Variants in RGS5 observed in about 807,000 individuals in gnomAD.
RGS5 encodes regulator of G protein signaling 5.
RGS5 carries 20 observed loss-of-function variants against 18.9 expected under a neutral mutation model. The observed-to-expected ratio is 1.06, with a 90% CI of 0.74 to 1.54. RGS5 has a LOEUF of 1.54. Ranked by LOEUF, RGS5 falls within the 40% of genes most tolerant of loss-of-function variation. RGS5 has a pLI of 0.00. For missense variants in RGS5, 201 were observed against 211.8 expected (o/e 0.95, Z 0.32); for synonymous variants, 57 against 76.2 (o/e 0.75, Z 1.31).
intron 2 of RGS5, among the ~76,000 whole-genome samples, chr1:163,263,947 A>G (rs945839205): frequency 1.3e-5 from 2 of 151,362 alleles, no homozygotes; most frequent in African/African-American, 4.9e-5. Flanking sequence ...AGAAGCACCT[A>G]TGGTGTATGG....
intron 2 of RGS5, among the ~76,000 whole-genome samples, chr1:163,275,017 G>C (rs905420310): frequency 6.6e-6 from 1 of 152,204 alleles, no homozygotes; most frequent in Non-Finnish European, 1.5e-5. Flanking sequence ...TCAGGAGGCT[G>C]AGTTGGGAAG....
chr1:163,221,778 T>C (rs141671734), upstream of RGS5, among the ~76,000 whole-genome samples: 553 of 152,326 alleles, frequency 3.6e-3, 1 homozygote, highest in Non-Finnish European at 6.7e-3. Context: ...ATGAAGTTTA[T>C]AATCTACAGT....
At chr1:163,159,969 G>A (rs1362834265) in intron 3 of RGS5, among the ~76,000 whole-genome samples, 6 of 152,096 alleles carry the variant, frequency 3.9e-5, no homozygotes, top group Admixed American at 3.9e-4. Context: ...AAATATTACT[G>A]TGAGGCTCTT....
chr1:163,147,143 T>TG lies in RGS5; in HGVS notation c.*198dup. ...TAATAACAGGGCAGGAAGAATTGAGTGGGGAAAGAAGGCCTTCGGACAGTA... is the reference window on the plus strand; with the variant it reads ...TAATAACAGGGCAGGAAGAATTGAGTGGGGGAAAGAAGGCCTTCGGACAGTA... On this transcript the variant is annotated 3_prime_UTR_variant, in exon 5 of 5. Transcript: ENST00000313961. The TG allele has an allele frequency of 7.2e-6, 3 of 414,584 alleles. No individual in the cohort carries two copies. Among genetic ancestry groups the TG allele is most frequent in the Middle Eastern group, 6.2e-4 (1 of 1,626 alleles). 25.7% of individuals were successfully genotyped at this position (414,584 alleles called of 1,614,324 possible).
At chr1:163,217,570 C>G in exon 1 of RGS5, 1 of 1,547,026 alleles carries the variant, frequency 6.5e-7, no homozygotes, top group Non-Finnish European at 8.7e-7. Flanking sequence ...ATGAGAATAT[C>G]CTGTGAAATG....
intron 1 of RGS5, among the ~76,000 whole-genome samples, chr1:163,197,435 G>A (rs1241657581): frequency 1.3e-5 from 2 of 152,114 alleles, no homozygotes; most frequent in Admixed American, 1.3e-4. Flanking sequence ...CCCAACTTCT[G>A]TGCTTCTTGG....
chr1:163,201,800 C>T (rs111438168), intron 1 of RGS5, among the ~76,000 whole-genome samples: 195 of 152,194 alleles, frequency 1.3e-3, no homozygotes, highest in African/African-American at 4.4e-3. Context: ...TAAAATCTTC[C>T]GAGACAAACA....
At chr1:163,176,622 A>C (rs2102410438) in intron 1 of RGS5, among the ~76,000 whole-genome samples, 2 of 5,694 alleles carry the variant, frequency 3.5e-4, no homozygotes, top group Middle Eastern at 0.33. Flanking sequence ...ACTCAGTCTC[A>C]AAAAAAAAAA....
At chr1:163,287,968 A>G (rs1429274570) in intron 2 of RGS5, among the ~76,000 whole-genome samples, 1 of 152,202 alleles carries the variant, frequency 6.6e-6, no homozygotes, top group Non-Finnish European at 1.5e-5. Flanking sequence ...CTGTCATTGT[A>G]ACTTGGAAGT....
chr1:163,299,706 C>A (rs1245176169), intron 2 of RGS5, among the ~76,000 whole-genome samples: 1 of 152,164 alleles, frequency 6.6e-6, no homozygotes, highest in Non-Finnish European at 1.5e-5. Flanking sequence ...ATCTTTGGGT[C>A]ATGGAGATAA....
chr1:163,285,325 C>T, intron 2 of RGS5, among the ~76,000 whole-genome samples: 1 of 152,072 alleles, frequency 6.6e-6, no homozygotes, highest in East Asian at 1.9e-4. Flanking sequence ...GAGGCCAAGA[C>T]AGGTGGATCA....
upstream of RGS5, among the ~76,000 whole-genome samples, chr1:163,218,678 G>A (rs1454874673): frequency 1.3e-5 from 2 of 152,058 alleles, no homozygotes; most frequent in South Asian, 2.1e-4. Context: ...CTTCACCTAC[G>A]TTCCCCAGGT....
At chr1:163,257,877 A>G (rs572992261) in intron 2 of RGS5, among the ~76,000 whole-genome samples, 1 of 152,156 alleles carries the variant, frequency 6.6e-6, no homozygotes, top group South Asian at 2.1e-4. Flanking sequence ...TTTTTGCATA[A>G]TTTTCCCATG....
intron 1 of RGS5, among the ~76,000 whole-genome samples, chr1:163,192,499 T>G (rs1319143201): frequency 2.0e-5 from 3 of 152,118 alleles, no homozygotes; most frequent in Non-Finnish European, 4.4e-5. Context: ...CGCCTTAAAG[T>G]GGAAAAAATT....
At chr1:163,251,920 G>A (rs1197296271) in intron 2 of RGS5, among the ~76,000 whole-genome samples, 1 of 152,086 alleles carries the variant, frequency 6.6e-6, no homozygotes, top group African/African-American at 2.4e-5. Context: ...AGGCATTTGA[G>A]TTGTTTCCAA....
rs1386083294 is a variant in RGS5, at chr1:163,312,113, A to G, written c.-377-5784T>C. ...CTGGATCACGGGGGTGGTTTCCTCC[A>G]TGCTGTTCTCATGATAGTGAGTGAG... is the stretch of plus-strand genomic sequence containing the variant. On this transcript the variant is annotated intron_variant, in intron 1 of 5. Transcript: ENST00000618415. Among the ~76,000 whole-genome samples, 5 of 152,288 alleles carry G rather than the reference A, an allele frequency of 3.3e-5. No homozygotes were observed. The East Asian group carries it at 9.7e-4, about 29-fold the overall frequency.
At chr1:163,155,261 T>C (rs1234124358) in intron 3 of RGS5, among the ~76,000 whole-genome samples, 4 of 152,180 alleles carry the variant, frequency 2.6e-5, no homozygotes, top group Admixed American at 2.6e-4. Flanking sequence ...AACATTCTTA[T>C]TTATGACACG....
intron 4 of RGS5, 37 bp from the exon 5 acceptor site, chr1:163,147,540 A>C: frequency 6.7e-7 from 1 of 1,483,746 alleles, no homozygotes. Flanking sequence ...CATAAGCCTA[A>C]GTTATAGAAT....
intron 1 of RGS5, among the ~76,000 whole-genome samples, chr1:163,198,842 T>C (rs1659671161): frequency 6.6e-6 from 1 of 152,090 alleles, no homozygotes; most frequent in South Asian, 2.1e-4. Context: ...GTTGTTTGTT[T>C]GTTTGTTTTT....
Sources: gnomAD v4.1 joint callset for allele counts (sites outside exome capture counted in the v4.1 genomes callset) on GRCh38, gnomAD v4.1.1 for gene constraint, MANE v1.5 for transcripts, NCBI Gene and HGNC (gene_info 2026-07-23, HGNC 2026-07-21) for gene names.